The following NRXN2 variants were observed in gnomAD, a reference collection of about 807,000 sequenced individuals.
NRXN2 encodes neurexin-2-beta.
NRXN2 carries 29 observed loss-of-function variants against 128.8 expected under a neutral mutation model. That is an observed-to-expected ratio of 0.23 (90% CI 0.17 to 0.31). The LOEUF (loss-of-function observed/expected upper bound fraction) is 0.31. Ranked by LOEUF, NRXN2 falls within the 10% of genes least tolerant of loss-of-function variation. The probability of loss-of-function intolerance (pLI) is 1.00; values close to 1 mark genes in which losing one functional copy is unlikely to be tolerated. For missense variants in NRXN2, 1,881 were observed against 2,452.6 expected (o/e 0.77, Z 4.92); for synonymous variants, 1,098 against 1,075.2 (o/e 1.02, Z -0.41).
chr11:64,622,673 A>T lies in NRXN2; in HGVS notation c.4173+80T>A. On this transcript the variant is annotated intron_variant, in intron 21 of 22. Transcript: ENST00000265459. This position sits in a 1 kb window ranked among gnomAD's most constrained non-coding sequence, Gnocchi z 4.3. ...GACCCCTTGGACCCTCACTCTAGGC[A>T]CCACTACTGTGGCTATGCAGATATC... 1 of 1,535,082 alleles carries T rather than the reference A, an allele frequency of 6.5e-7. No homozygotes were observed. Among genetic ancestry groups the T allele is most frequent in the East Asian group, 2.3e-5 (1 of 44,018 alleles).
chr11:64,673,720 GTGTT>G (rs756986301), intron 7 of NRXN2, among the ~76,000 whole-genome samples: 44 of 152,152 alleles, frequency 2.9e-4, no homozygotes, highest in African/African-American at 6.0e-4. Flanking sequence ...TAGAGATAGG[GTGTT>G]TGTTTGTTTG....
intron 15 of NRXN2, among the ~76,000 whole-genome samples, chr11:64,649,148 G>A (rs2047120483): frequency 1.3e-5 from 2 of 152,122 alleles, no homozygotes; most frequent in African/African-American, 4.8e-5. Flanking sequence ...GGGAGAGTGG[G>A]GGCTGGGGGA....
rs1194240589 is a variant in NRXN2, at chr11:64,635,738, C to A, written c.3404-286G>T. 1.3e-5 allele frequency among the ~76,000 whole-genome samples: 2 copies of A among 152,062 alleles called. No homozygotes were observed. Among genetic ancestry groups the A allele is most frequent in the Non-Finnish European group, 2.9e-5 (2 of 67,998 alleles). On this transcript the variant is annotated intron_variant, in intron 17 of 22. Coordinates refer to ENST00000265459, the MANE Select transcript of NRXN2 (RefSeq NM_015080.4). The surrounding 1 kb of genome is among the most constrained non-coding windows in gnomAD (Gnocchi z 4.8). ...TAATAGAGTGACACAGAGAGAGAGC[C>A]CAGAGAGAAGCTGTAAGGAGACTGA...
intron 17 of NRXN2, chr11:64,642,664 G>A (rs1023055351): frequency 3.2e-6 from 5 of 1,574,788 alleles, no homozygotes; most frequent in African/African-American, 1.4e-5. Flanking sequence ...CCCCTCGGCC[G>A]CCCCCAGCAG....
chr11:64,653,949 G>C (rs74713208), intron 11 of NRXN2, among the ~76,000 whole-genome samples: 3,656 of 152,230 alleles, frequency 0.024, 62 homozygotes, highest in Non-Finnish European at 0.038. Flanking sequence ...TGGAAGGCAG[G>C]GCAGTCAGAT....
At chr11:64,710,155 G>A (rs1195098244) in intron 2 of NRXN2, among the ~76,000 whole-genome samples, 3 of 151,876 alleles carry the variant, frequency 2.0e-5, no homozygotes, top group Non-Finnish European at 4.4e-5. Context: ...TAATCTGCCC[G>A]CTTCAGCCTC....
At chr11:64,668,688 G>A in intron 7 of NRXN2, 84 bp from the exon 8 acceptor site, 1 of 1,510,016 alleles carries the variant, frequency 6.6e-7, no homozygotes, top group Non-Finnish European at 9.1e-7. Flanking sequence ...GCAAAGGAGG[G>A]GCCAGAGGGC....
In NRXN2 at chr11:64,660,677, G is replaced by C; in HGVS notation, c.2185+76C>G. 6.3e-7 allele frequency: 1 copy of C among 1,599,408 alleles called. No homozygotes were observed. The highest frequency in any genetic ancestry group is 8.5e-7 in the Non-Finnish European group (1 of 1,176,684). On this transcript the variant is annotated intron_variant, in intron 10 of 22. Coordinates refer to ENST00000265459, the MANE Select transcript of NRXN2 (RefSeq NM_015080.4). This position sits in a 1 kb window ranked among gnomAD's most constrained non-coding sequence, Gnocchi z 5.2. Reference sequence around the variant, plus strand: ...CCTAGGAGGAGGTGGCACAGGGATGGAAAGTAGGAGTCACCCTGAGAAGGA... The same window carrying C: ...CCTAGGAGGAGGTGGCACAGGGATGCAAAGTAGGAGTCACCCTGAGAAGGA...
At chr11:64,617,075 A>G (rs1443918185) in intron 22 of NRXN2, among the ~76,000 whole-genome samples, 1 of 152,086 alleles carries the variant, frequency 6.6e-6, no homozygotes, top group Non-Finnish European at 1.5e-5. Context: ...AGGGGGGTAT[A>G]AGCACACACA....
At chr11:64,676,715 A>C in intron 7 of NRXN2, 4 of 534,986 alleles carry the variant, frequency 7.5e-6, no homozygotes, top group Non-Finnish European at 1.3e-5. Flanking sequence ...TCTGGCCAGG[A>C]ATCTGAATTC....
chr11:64,685,775 G>A lies in NRXN2; in HGVS notation c.1023C>T (p.Leu341=), dbSNP rs2052952354. Residue 341 remains leucine, a synonymous_variant, in exon 6 of 23, where the codon CTC becomes CTT. Transcript: ENST00000265459. Reference sequence around the variant, plus strand: ...TGACCAGCCAGACAGCCCCAGACTTGAGGGACAGGTTGACGTAGTCGGCCG... The same window carrying A: ...TGACCAGCCAGACAGCCCCAGACTTAAGGGACAGGTTGACGTAGTCGGCCG... ...GKSADYVNLS[L]KSGAVWLVIN... is the part of the protein sequence containing the mutation. The A allele has an allele frequency of 3.1e-6, 5 of 1,614,154 alleles. No homozygotes were observed. In the Admixed American group the frequency reaches 8.3e-5, roughly 27 times the overall value.
intron 2 of NRXN2, among the ~76,000 whole-genome samples, chr11:64,701,339 A>G (rs746218217): frequency 2.0e-5 from 3 of 151,856 alleles, no homozygotes; most frequent in Non-Finnish European, 4.4e-5. Context: ...AGCCACCCCA[A>G]CTTCTTCCTG....
intron 2 of NRXN2, among the ~76,000 whole-genome samples, chr11:64,701,974 G>A (rs1223351803): frequency 3.6e-5 from 5 of 140,146 alleles, no homozygotes; most frequent in Non-Finnish European, 4.6e-5. Flanking sequence ...CCCCCCGCCC[G>A]GCCAGCTGCC....
intron 6 of NRXN2, among the ~76,000 whole-genome samples, chr11:64,682,175 T>G (rs892008082): frequency 1.3e-5 from 2 of 150,936 alleles, no homozygotes; most frequent in Non-Finnish European, 3.0e-5. Flanking sequence ...ACTCCATCCT[T>G]GGCAGATTCC....
chr11:64,660,222 GC>G lies in NRXN2; in HGVS notation c.2389+109del. On this transcript the variant is annotated intron_variant, in intron 11 of 22. Transcript: ENST00000265459. The surrounding 1 kb of genome is among the most constrained non-coding windows in gnomAD (Gnocchi z 5.2). ...TGGCGCCTCCCCACCTCCAAACTCT[GC>G]TGAGGGCACCTCTTGCTGGTGCCAC... 1.6e-6 allele frequency: 2 copies of G among 1,268,146 alleles called. No individual in the cohort carries two copies. Among genetic ancestry groups the G allele is most frequent in the Non-Finnish European group, 2.3e-6 (2 of 871,682 alleles). The allele number at this position is 1,268,146 out of a possible 1,614,324, so 78.6% of individuals were successfully genotyped here.
At chr11:64,701,828 G>A (rs1175494407) in intron 2 of NRXN2, among the ~76,000 whole-genome samples, 28 of 151,440 alleles carry the variant, frequency 1.8e-4, no homozygotes, top group African/African-American at 6.3e-4. Context: ...GGTGAGGGGC[G>A]CCTCTGCCCG....
At chr11:64,634,086 A>G (rs1055015578) in intron 18 of NRXN2, among the ~76,000 whole-genome samples, 5 of 152,234 alleles carry the variant, frequency 3.3e-5, no homozygotes, top group Admixed American at 1.3e-4. Flanking sequence ...GAGAGATCAG[A>G]GCCCAAACAA....
At chr11:64,702,020 G>C (rs1369342402) in intron 2 of NRXN2, among the ~76,000 whole-genome samples, 1 of 141,386 alleles carries the variant, frequency 7.1e-6, no homozygotes, top group African/African-American at 2.7e-5. Context: ...TCAGCCCCCC[G>C]CCTGGCCAGC....
chr11:64,650,498 G>A lies in NRXN2; in HGVS notation c.3059C>T (p.Ser1020Phe), dbSNP rs369737815. 3.8e-5 allele frequency: 62 copies of A among 1,614,108 alleles called. No individual in the cohort carries two copies. The highest frequency in any genetic ancestry group is 5.0e-5 in the Non-Finnish European group (59 of 1,180,054). ...ATTGGAGTGCTGCGTGACAGTGCGG[G>A]AGTCAATCTTGAGCGTGTGCACGTT... Reference protein sequence around the residue: ...PGNVHTLKIDSRTVTQHSNGA... With the variant: ...PGNVHTLKIDFRTVTQHSNGA... Residue 1020 changes from serine to phenylalanine, a missense_variant, in exon 15 of 23, where the codon TCC becomes TTC. By Grantham distance (155) the Ser-to-Phe change is radical. This residue lies in a region of NRXN2 where 390 missense variants were observed against 599.6 expected (regional missense o/e 0.65). Transcript: ENST00000265459.
Sources: gnomAD v4.1 joint callset for allele counts (sites outside exome capture counted in the v4.1 genomes callset) on GRCh38, gnomAD v4.1.1 for gene constraint, gnomAD v4.1.1 regional missense constraint, Gnocchi (gnomAD v3.1) non-coding constraint, MANE v1.5 for transcripts, NCBI Gene and HGNC (gene_info 2026-07-23, HGNC 2026-07-21) for gene names.